GNAL: variants seen among roughly 807,000 people sequenced by gnomAD.
GNAL encodes G protein subunit alpha L.
A neutral mutation model predicts 55.1 loss-of-function variants in GNAL; 18 were observed. The observed-to-expected ratio is 0.33, with a 90% CI of 0.23 to 0.48. The LOEUF (loss-of-function observed/expected upper bound fraction) is 0.48, where lower values mean the gene tolerates loss of function less well. Among genes scored for constraint, GNAL ranks in the 20% least tolerant of loss-of-function variants. The pLI, the probability that GNAL is intolerant of heterozygous loss-of-function variation, is 0.99. For missense variants in GNAL, 412 were observed against 614.1 expected, an observed-to-expected ratio of 0.67 and a Z score of 3.48; for synonymous variants, 253 against 237.0, an observed-to-expected ratio of 1.07 and a Z score of -0.62.
intron 1 of GNAL, among the ~76,000 whole-genome samples, chr18:11,735,928 G>A (rs187842262): frequency 3.3e-5 from 5 of 152,150 alleles, no homozygotes; most frequent in African/African-American, 9.6e-5. Context: ...ATTGTTTATC[G>A]GATGCCTTCG....
At chr18:11,783,394 C>T (rs1036966661) in intron 4 of GNAL, among the ~76,000 whole-genome samples, 13 of 152,138 alleles carry the variant, frequency 8.5e-5, no homozygotes, top group African/African-American at 2.9e-4. Context: ...AGACTAGGCT[C>T]AAAGTTTCAA....
chr18:11,770,427 TCC>T (rs2033598507), intron 4 of GNAL, among the ~76,000 whole-genome samples: 1 of 152,232 alleles, frequency 6.6e-6, no homozygotes, highest in African/African-American at 2.4e-5. Context: ...TTAATTTTCC[TCC>T]CTACTGCCAC....
rs988216867 is a variant in GNAL, at chr18:11,883,318, C to T, written c.*2183C>T. ...TTCCCCTTGCACTGTCAAAGTAAAA[C>T]AAGAAAACTGAAAAGCTGCACCCCC... On this transcript the variant is annotated 3_prime_UTR_variant, in exon 12 of 12. Coordinates refer to ENST00000334049, the MANE Select transcript of GNAL (RefSeq NM_182978.4). The T allele has an allele frequency of 6.6e-6, 1 of 152,426 alleles. No individual in the cohort carries two copies. The highest frequency in any genetic ancestry group is 1.5e-5 in the Non-Finnish European group (1 of 67,986). 9.4% of individuals were successfully genotyped at this position (152,426 alleles called of 1,614,324 possible).
rs182490018 is a variant in GNAL, at chr18:11,885,398, G to C, written c.*4263G>C. The C allele has an allele frequency of 4.8e-5, 21 of 434,804 alleles. No homozygotes were observed. Among genetic ancestry groups the C allele is most frequent in the Admixed American group, 7.9e-5 (2 of 25,188 alleles). 26.9% of individuals were successfully genotyped at this position (434,804 alleles called of 1,614,324 possible). A position where few individuals can be genotyped will look rare whatever the true frequency, so the allele number is the denominator to read the frequency against. On this transcript the variant is annotated 3_prime_UTR_variant, in exon 12 of 12. Transcript: ENST00000334049. The stretch of plus-strand genomic sequence containing the variant: ...TTCTTTAGAAAATTAAACACACACA[G>C]AGTGTAAGAGGAGAGGATACGGCCC...
intron 4 of GNAL, among the ~76,000 whole-genome samples, chr18:11,796,789 A>C (rs2143475514): frequency 6.6e-6 from 1 of 152,266 alleles, no homozygotes; most frequent in South Asian, 2.1e-4. Context: ...ATGCTTCTAC[A>C]ACCTGATTTT....
chr18:11,805,696 T>A lies in GNAL; in HGVS notation c.625-19222T>A, dbSNP rs372663504. On this transcript the variant is annotated intron_variant, in intron 4 of 11. Transcript: ENST00000334049. ...CTGCAAAAGACATGATTTCACTTTT[T>A]TATGGCCAAAAAGTATTCTATTGCG... Among the ~76,000 whole-genome samples, 4 of 152,220 alleles carry A rather than the reference T, an allele frequency of 2.6e-5. No individual in the cohort carries two copies. In the East Asian group the frequency reaches 5.8e-4, roughly 22 times the overall value.
chr18:11,796,824 A>G (rs1464571985), intron 4 of GNAL, among the ~76,000 whole-genome samples: 3 of 152,190 alleles, frequency 2.0e-5, no homozygotes, highest in African/African-American at 7.2e-5. Context: ...CATTCATCAT[A>G]TAAGTATCCC....
chr18:11,752,750 A>G lies in GNAL; in HGVS notation c.377-103A>G, dbSNP rs1183316980. The G allele has an allele frequency of 3.5e-6, 4 of 1,148,670 alleles. No homozygotes were observed. The highest frequency in any genetic ancestry group is 5.1e-6 in the Non-Finnish European group (4 of 776,810). The allele number at this position is 1,148,670 out of a possible 1,614,324, so 71.2% of individuals were successfully genotyped here. A position where few individuals can be genotyped will look rare whatever the true frequency, so the allele number is the denominator to read the frequency against. ...TCCAGCCAGGAACCCGCGTGTAGGAAATCCCCGTGCTGGGGGAGGAGGATT... is the reference window on the plus strand; with the variant it reads ...TCCAGCCAGGAACCCGCGTGTAGGAGATCCCCGTGCTGGGGGAGGAGGATT... On this transcript the variant is annotated intron_variant, in intron 1 of 11. Transcript: ENST00000334049. The surrounding 1 kb of genome is among the most constrained non-coding windows in gnomAD (Gnocchi z 4.5).
At chr18:11,694,346 C>T (rs997442525) in intron 1 of GNAL, among the ~76,000 whole-genome samples, 2 of 152,184 alleles carry the variant, frequency 1.3e-5, no homozygotes, top group Non-Finnish European at 2.9e-5. Flanking sequence ...CTCTTTCTCC[C>T]CCATGGGGTC....
chr18:11,717,727 G>A (rs1441348920), intron 1 of GNAL, among the ~76,000 whole-genome samples: 1 of 152,222 alleles, frequency 6.6e-6, no homozygotes, highest in Non-Finnish European at 1.5e-5. Flanking sequence ...TCACTTATAA[G>A]TGGGAGATAA....
chr18:11,826,407 G>GGAAA (rs1282387562), intron 5 of GNAL, among the ~76,000 whole-genome samples: 1 of 151,850 alleles, frequency 6.6e-6, no homozygotes, highest in African/African-American at 2.4e-5. Context: ...GCATGGCTGG[G>GGAAA]GAAAGAAAGA....
chr18:11,733,083 A>G (rs1455175164), intron 1 of GNAL, among the ~76,000 whole-genome samples: 1 of 149,066 alleles, frequency 6.7e-6, no homozygotes, highest in Non-Finnish European at 1.5e-5. Flanking sequence ...TGGACATGTG[A>G]AGAGAAGACT....
chr18:11,694,039 G>A (rs2031335416), intron 1 of GNAL, among the ~76,000 whole-genome samples: 1 of 151,906 alleles, frequency 6.6e-6, no homozygotes, highest in African/African-American at 2.4e-5. Flanking sequence ...TTTATATAGA[G>A]ATGGGGTTTC....
intron 6 of GNAL, 71 bp from the exon 7 acceptor site, chr18:11,864,462 G>A: frequency 1.2e-6 from 1 of 822,286 alleles, no homozygotes. Context: ...ATGAGGTATA[G>A]TTATACCCGG....
chr18:11,725,967 C>G (rs2032202561), intron 1 of GNAL, among the ~76,000 whole-genome samples: 1 of 152,220 alleles, frequency 6.6e-6, no homozygotes, highest in South Asian at 2.1e-4. Context: ...GTCTTAGCCA[C>G]CTTGCCTGTG....
intron 4 of GNAL, among the ~76,000 whole-genome samples, chr18:11,758,739 TC>T (rs2033144275): frequency 1.3e-5 from 2 of 152,280 alleles, no homozygotes; most frequent in South Asian, 4.1e-4. Context: ...AAGGCTTGAC[TC>T]CCCACTCCGT....
chr18:11,796,363 G>A (rs1568031182), intron 4 of GNAL, among the ~76,000 whole-genome samples: 2 of 151,982 alleles, frequency 1.3e-5, no homozygotes, highest in African/African-American at 2.4e-5. Flanking sequence ...GGATCACGAG[G>A]TCGGGAGATC....
chr18:11,771,357 T>A (rs189254935), intron 4 of GNAL, among the ~76,000 whole-genome samples: 1 of 152,272 alleles, frequency 6.6e-6, no homozygotes, highest in Non-Finnish European at 1.5e-5. Flanking sequence ...TAACATTAAC[T>A]AATTGGAAGT....
Position 11,884,604 on chromosome 18 carries a change from G to A in GNAL, c.*3469G>A, listed in dbSNP as rs757591266. ...GTGGGAGGTAGCACTTGGAGAGGGT[G>A]TAGTCTGTGGGCGTGATGCTACCCT... On this transcript the variant is annotated 3_prime_UTR_variant, in exon 12 of 12. Transcript: ENST00000334049. 16 of 1,613,782 alleles carry A rather than the reference G, an allele frequency of 9.9e-6. No homozygotes were observed. Among genetic ancestry groups the A allele is most frequent in the Non-Finnish European group, 1.4e-5 (16 of 1,179,984 alleles).
Sources: allele counts gnomAD v4.1 joint callset (sites outside exome capture counted in the v4.1 genomes callset), GRCh38; gene constraint gnomAD v4.1.1; non-coding constraint Gnocchi (gnomAD v3.1); transcripts MANE v1.5; gene names NCBI Gene and HGNC (gene_info 2026-07-23, HGNC 2026-07-21).